LRIF1: variants seen among roughly 807,000 people sequenced by gnomAD.
The protein encoded by LRIF1 is ligand-dependent nuclear receptor-interacting factor 1.
A neutral mutation model predicts 52.7 loss-of-function variants in LRIF1; 32 were observed. The observed-to-expected ratio is 0.61, with a 90% CI of 0.46 to 0.82. LRIF1 has a LOEUF of 0.82. Among genes scored for constraint, LRIF1 ranks in the 40% least tolerant of loss-of-function variants. LRIF1 has a pLI of 0.00. For synonymous variants in LRIF1, 323 were observed against 317.4 expected (o/e 1.02, Z -0.19); for missense variants, 887 against 892.0 (o/e 0.99, Z 0.07).
chr1:110,949,719 A>AT, intron 3 of LRIF1, 132 bp downstream of exon 3: 1 of 991,274 alleles, frequency 1.0e-6, no homozygotes, highest in South Asian at 1.6e-5. Context: ...TCATTTTGGT[A>AT]TTATGTATTT....
downstream of LRIF1, among the ~76,000 whole-genome samples, chr1:110,943,026 CAA>C (rs1330620447): frequency 6.6e-6 from 1 of 151,626 alleles, no homozygotes; most frequent in Non-Finnish European, 1.5e-5. Context: ...AGGAACTAGC[CAA>C]AGAGACTAAG....
chr1:110,956,904 A>C (rs1658722454), intron 1 of LRIF1, among the ~76,000 whole-genome samples: 1 of 151,802 alleles, frequency 6.6e-6, no homozygotes, highest in Non-Finnish European at 1.5e-5. Flanking sequence ...TTCTACTAAA[A>C]CTTCATTCTC....
chr1:110,921,831 A>C, the LRIF1 span, among the ~76,000 whole-genome samples: 1 of 152,154 alleles, frequency 6.6e-6, no homozygotes, highest in Non-Finnish European at 1.5e-5. Flanking sequence ...TTTTTAAAAA[A>C]AGCTTTTATT....
the LRIF1 span, among the ~76,000 whole-genome samples, chr1:110,916,752 G>T: frequency 6.6e-6 from 1 of 152,080 alleles, no homozygotes; most frequent in Admixed American, 6.6e-5. Flanking sequence ...TGTCTTGCAG[G>T]CACTAACCAA....
chr1:110,877,118 G>A, the LRIF1 span, among the ~76,000 whole-genome samples: 397 of 152,146 alleles, frequency 2.6e-3, 1 homozygote, highest in African/African-American at 9.2e-3. Flanking sequence ...TTCTAGTCAC[G>A]CATTGCCTTC....
At position 110,963,516 on chromosome 1, in the gene LRIF1, C is replaced by G. The variant is rs780287350; in HGVS notation, c.68+105G>C. Reference sequence around the variant, plus strand: ...CCGCCTGGGTGGCGCACTCTGCGGGCTCCAACTCCTCTCAACTACACAGCG... The same window carrying G: ...CCGCCTGGGTGGCGCACTCTGCGGGGTCCAACTCCTCTCAACTACACAGCG... On this transcript the variant is annotated intron_variant, in intron 1 of 3. Coordinates refer to ENST00000369763, the MANE Select transcript of LRIF1 (RefSeq NM_018372.4). 44 of 913,482 alleles carry G rather than the reference C, an allele frequency of 4.8e-5. No individual in the cohort carries two copies. The African/African-American group carries it at 6.4e-4, about 13-fold the overall frequency. The allele number at this position is 913,482 out of a possible 1,614,324, so 56.6% of individuals were successfully genotyped here.
chr1:110,902,980 C>A, the LRIF1 span, among the ~76,000 whole-genome samples: 1 of 152,080 alleles, frequency 6.6e-6, no homozygotes, highest in African/African-American at 2.4e-5. Flanking sequence ...GAGAACACAG[C>A]AATTGTGTGG....
At chr1:110,958,585 A>T (rs1471471454) in intron 1 of LRIF1, among the ~76,000 whole-genome samples, 2 of 151,966 alleles carry the variant, frequency 1.3e-5, no homozygotes, top group Admixed American at 1.3e-4. Flanking sequence ...TCTGCTTTAT[A>T]AAAAAAACTA....
At chr1:110,880,953 A>G in the LRIF1 span, among the ~76,000 whole-genome samples, 2 of 152,192 alleles carry the variant, frequency 1.3e-5, no homozygotes, top group Non-Finnish European at 2.9e-5. Context: ...CCAGAATAAG[A>G]GGCCAGAAAG....
intron 3 of LRIF1, among the ~76,000 whole-genome samples, chr1:110,949,065 T>A (rs906212727): frequency 6.6e-6 from 1 of 152,006 alleles, no homozygotes; most frequent in Non-Finnish European, 1.5e-5. Flanking sequence ...TATCTTTAAC[T>A]GGGATGCATT....
the LRIF1 span, among the ~76,000 whole-genome samples, chr1:110,929,206 A>T: frequency 6.6e-6 from 1 of 152,202 alleles, no homozygotes; most frequent in Non-Finnish European, 1.5e-5. Flanking sequence ...TGCTATTGTG[A>T]ATAGTGCTAC....
chr1:110,926,560 A>C, the LRIF1 span, among the ~76,000 whole-genome samples: 2 of 152,086 alleles, frequency 1.3e-5, no homozygotes. Context: ...ATCTCCAAAA[A>C]GTTGTACAAG....
At chr1:110,921,301 T>C in the LRIF1 span, among the ~76,000 whole-genome samples, 1 of 151,702 alleles carries the variant, frequency 6.6e-6, no homozygotes, top group Non-Finnish European at 1.5e-5. Flanking sequence ...TCTAAACTAA[T>C]AGAAAAAAAA....
chr1:110,923,024 G>C, the LRIF1 span, among the ~76,000 whole-genome samples: 1 of 152,142 alleles, frequency 6.6e-6, no homozygotes, highest in African/African-American at 2.4e-5. Context: ...CTCTAACTTG[G>C]CCAGGTAGGG....
intron 1 of LRIF1, among the ~76,000 whole-genome samples, chr1:110,961,351 T>C (rs1570951314): frequency 6.6e-6 from 1 of 152,360 alleles, no homozygotes. Context: ...GTTTAAACTG[T>C]ATTGATAGTA....
the LRIF1 span, among the ~76,000 whole-genome samples, chr1:110,886,870 T>TATA: frequency 4.2e-4 from 15 of 35,512 alleles, no homozygotes; most frequent in Non-Finnish European, 5.7e-4. Flanking sequence ...TATATATATA[T>TATA]TTTTTTTTTC....
the LRIF1 span, among the ~76,000 whole-genome samples, chr1:110,928,093 A>T: frequency 6.6e-6 from 1 of 152,186 alleles, no homozygotes; most frequent in African/African-American, 2.4e-5. Context: ...CTATCTTTTA[A>T]GTAACACTAG....
At chr1:110,894,931 G>T in the LRIF1 span, 1 of 1,561,406 alleles carries the variant, frequency 6.4e-7, no homozygotes, top group Non-Finnish European at 8.8e-7. Context: ...TTTTTACCAT[G>T]TCTCCTCTGC....
the LRIF1 span, among the ~76,000 whole-genome samples, chr1:110,880,621 A>G: frequency 1.3e-5 from 2 of 152,102 alleles, no homozygotes; most frequent in Non-Finnish European, 2.9e-5. Context: ...TATGTCCAAA[A>G]CATCAGTTTA....
Sources: gnomAD v4.1 joint callset for allele counts (sites outside exome capture counted in the v4.1 genomes callset) on GRCh38, gnomAD v4.1.1 for gene constraint, MANE v1.5 for transcripts, NCBI Gene and HGNC (gene_info 2026-07-23, HGNC 2026-07-21) for gene names.